Variants in KANSL1 observed in about 807,000 individuals in gnomAD.
The protein encoded by KANSL1 is KAT8 regulatory NSL complex subunit 1.
KANSL1 carries 22 observed loss-of-function variants against 103.6 expected under a neutral mutation model. The ratio of observed to expected loss-of-function variants is 0.21; its 90% CI spans 0.15 to 0.30. KANSL1 has a LOEUF of 0.30. Among genes scored for constraint, KANSL1 ranks in the 10% least tolerant of loss-of-function variants. KANSL1 has a pLI of 1.00. For synonymous variants in KANSL1, 600 were observed against 527.6 expected, an observed-to-expected ratio of 1.14 and a Z score of -1.88; for missense variants, 1,337 against 1,399.8, an observed-to-expected ratio of 0.96 and a Z score of 0.72.
chr17:46,160,626 T>G (rs2045684313), intron 2 of KANSL1, among the ~76,000 whole-genome samples: 2 of 152,208 alleles, frequency 1.3e-5, no homozygotes, highest in African/African-American at 4.8e-5. Flanking sequence ...CAAAAGAAAA[T>G]GAGTAATTTT....
chr17:46,128,933 C>T (rs905719585), intron 2 of KANSL1, among the ~76,000 whole-genome samples: 4 of 152,130 alleles, frequency 2.6e-5, no homozygotes, highest in Admixed American at 2.6e-4. Flanking sequence ...AGCAAGGAGG[C>T]CAACTGGGAG....
At chr17:46,195,644 C>A (rs2147955127), upstream of KANSL1, among the ~76,000 whole-genome samples, 1 of 152,354 alleles carries the variant, frequency 6.6e-6, no homozygotes, top group East Asian at 1.9e-4. Flanking sequence ...TCACTGCAGC[C>A]TCCCAGGCTC....
intron 2 of KANSL1, among the ~76,000 whole-genome samples, chr17:46,102,807 T>G (rs62061811): frequency 0.14 from 21,655 of 151,990 alleles, 2,123 homozygotes; most frequent in Non-Finnish European, 0.22. Context: ...ACAAGAACTG[T>G]GGCTAAAGTT....
chr17:46,122,391 A>G (rs144502319), intron 2 of KANSL1, among the ~76,000 whole-genome samples: 1 of 152,370 alleles, frequency 6.6e-6, no homozygotes, highest in East Asian at 1.9e-4. Context: ...GGCTGCTATC[A>G]TAAAGATAAA....
intron 2 of KANSL1, among the ~76,000 whole-genome samples, chr17:46,161,990 C>A (rs572921128): frequency 7.9e-4 from 120 of 152,302 alleles, no homozygotes; most frequent in Admixed American, 1.4e-3. Context: ...GTACAAGAAA[C>A]CTTTCTTCAC....
intron 2 of KANSL1, among the ~76,000 whole-genome samples, chr17:46,144,571 C>T (rs538216990): frequency 6.6e-6 from 1 of 152,286 alleles, no homozygotes; most frequent in Admixed American, 6.5e-5. Flanking sequence ...CCATGAATTG[C>T]AGCTGTAGAC....
At chr17:46,064,578 C>T (rs2078304957) in intron 6 of KANSL1, among the ~76,000 whole-genome samples, 1 of 152,184 alleles carries the variant, frequency 6.6e-6, no homozygotes, top group Non-Finnish European at 1.5e-5. Flanking sequence ...TCTCAATTCT[C>T]AGCCTTCATC....
intron 2 of KANSL1, among the ~76,000 whole-genome samples, chr17:46,108,061 A>G (rs2042646254): frequency 6.6e-6 from 1 of 152,090 alleles, no homozygotes; most frequent in South Asian, 2.1e-4. Flanking sequence ...CACTTTCAGG[A>G]TATTATCATG....
intron 2 of KANSL1, among the ~76,000 whole-genome samples, chr17:46,162,359 T>C (rs1007542562): frequency 6.6e-6 from 1 of 152,236 alleles, no homozygotes; most frequent in Non-Finnish European, 1.5e-5. Flanking sequence ...CTTTCCCTTT[T>C]CTAGTTAAAA....
chr17:46,125,009 G>GAAGGGAAGGAAAGA (rs1555557030), intron 2 of KANSL1, among the ~76,000 whole-genome samples: 1 of 60,886 alleles, frequency 1.6e-5, no homozygotes, highest in Non-Finnish European at 4.7e-5. Context: ...GAAAGAAAGG[G>GAAGGGAAGGAAAGA]AAGGGAAGGG....
chr17:46,137,182 C>T (rs191441567), intron 2 of KANSL1, among the ~76,000 whole-genome samples: 2 of 152,326 alleles, frequency 1.3e-5, no homozygotes, highest in Admixed American at 1.3e-4. Flanking sequence ...TTAATTCTGC[C>T]TCTTGGCCCT....
chr17:46,117,513 T>A (rs2043096162), intron 2 of KANSL1, among the ~76,000 whole-genome samples: 1 of 152,244 alleles, frequency 6.6e-6, no homozygotes, highest in Non-Finnish European at 1.5e-5. Context: ...ATATTAGTGA[T>A]GGTGGCAGTG....
At chr17:46,125,103 A>AGG in intron 2 of KANSL1, among the ~76,000 whole-genome samples, 1 of 19,722 alleles carries the variant, frequency 5.1e-5, no homozygotes, top group African/African-American at 1.7e-4. Flanking sequence ...GGAGGGAGAG[A>AGG]GGGAGGGAGG....
At chr17:46,046,708 G>A (rs771186349) in intron 7 of KANSL1, among the ~76,000 whole-genome samples, 7 of 151,324 alleles carry the variant, frequency 4.6e-5, no homozygotes, top group African/African-American at 1.7e-4. Context: ...GTGGTGGCGC[G>A]TGCCTGTAGT....
intron 1 of KANSL1, among the ~76,000 whole-genome samples, chr17:46,181,233 T>C (rs184649265): frequency 1.3e-3 from 199 of 152,298 alleles, no homozygotes; most frequent in Non-Finnish European, 2.3e-3. Context: ...ATCTCCTTTG[T>C]GACGAAATCC....
intron 2 of KANSL1, among the ~76,000 whole-genome samples, chr17:46,119,505 C>T (rs1482954785): frequency 6.6e-6 from 1 of 152,104 alleles, no homozygotes; most frequent in Non-Finnish European, 1.5e-5. Flanking sequence ...CGAGGTTTCA[C>T]CATGTTGGCC....
intron 3 of KANSL1, chr17:46,093,908 G>A (rs912003283): frequency 2.6e-5 from 4 of 152,240 alleles, no homozygotes; most frequent in African/African-American, 9.7e-5. Flanking sequence ...CTTACCATCA[G>A]TAGCATCTTA....
chr17:46,060,167 A>G (rs2078107258), intron 6 of KANSL1, among the ~76,000 whole-genome samples: 2 of 152,166 alleles, frequency 1.3e-5, no homozygotes, highest in Admixed American at 6.5e-5. Flanking sequence ...TCTATTCACC[A>G]TTTTCTGTTA....
At position 46,032,234 on chromosome 17, in the gene KANSL1, TG is replaced by T. The variant is rs1374665357; in HGVS notation, c.2902del (p.Gln968SerfsTer46). The part of the protein sequence containing the change: ...QLGSANPSTP[Q>X]PASPDVSSSH... ...ACTGCTGACATCAGGGGAGGCAGGC[TG>T]GGGGGTGGAGGGGTTGGCACTGCCC... is the stretch of plus-strand genomic sequence containing the variant. On this transcript the variant is annotated frameshift_variant, in exon 14 of 15. Transcript: ENST00000432791. LOFTEE classifies it high-confidence loss of function. The T allele has an allele frequency of 1.3e-6, 2 of 1,576,638 alleles. No individual in the cohort carries two copies. The highest frequency in any genetic ancestry group is 8.6e-7 in the Non-Finnish European group (1 of 1,158,028).
Sources: allele counts gnomAD v4.1 joint callset (sites outside exome capture counted in the v4.1 genomes callset), GRCh38; gene constraint gnomAD v4.1.1; transcripts MANE v1.5; gene names NCBI Gene and HGNC (gene_info 2026-07-23, HGNC 2026-07-21).